OR2A4: variants seen among roughly 807,000 people sequenced by gnomAD.
OR2A4 encodes olfactory receptor 2A4.
For synonymous variants in OR2A4, 71 were observed against 126.7 expected, an observed-to-expected ratio of 0.56 and a Z score of 2.95; for missense variants, 152 against 313.2, an observed-to-expected ratio of 0.49 and a Z score of 3.88.
In OR2A4 at chr6:131,700,855, C is replaced by T. The variant is rs1451536742; in HGVS notation, c.547G>A (p.Val183Ile). 1 of 1,164,978 alleles carries T rather than the reference C, an allele frequency of 8.6e-7. No individual in the cohort carries two copies. Among genetic ancestry groups the T allele is most frequent in the African/African-American group, 3.6e-5 (1 of 27,426 alleles). 72.2% of individuals were successfully genotyped at this position (1,164,978 alleles called of 1,614,324 possible). A position where few individuals can be genotyped will look rare whatever the true frequency, so the allele number is the denominator to read the frequency against. The change falls in exon 1 of 1, where the codon GTT becomes ATT. Residue 183 changes from valine to isoleucine, a missense_variant. By Grantham distance (29) the Val-to-Ile change is conservative. Transcript: ENST00000315453. ...IYHFFCEILAVLKLACADTHI... is the reference protein window; with the variant it reads ...IYHFFCEILAILKLACADTHI... ...GTATCTGCACAGGCAAGTTTGAGAACAGCCAAGATTTCACAAAAAAAGTGA... is the reference window on the plus strand; with the variant it reads ...GTATCTGCACAGGCAAGTTTGAGAATAGCCAAGATTTCACAAAAAAAGTGA...
chr6:131,700,447 A>C lies in OR2A4; in HGVS notation c.*22T>G. The C allele has an allele frequency of 1.2e-6, 1 of 828,802 alleles. No homozygotes were observed. The highest frequency in any genetic ancestry group is 1.7e-6 in the Non-Finnish European group (1 of 579,982). 51.3% of individuals were successfully genotyped at this position (828,802 alleles called of 1,614,324 possible). Reference sequence around the variant, plus strand: ...TGATGTAACTTCCTAGGTCACTGTCAGTCACAATGCCATAATCCTTTTCAT... The same window carrying C: ...TGATGTAACTTCCTAGGTCACTGTCCGTCACAATGCCATAATCCTTTTCAT... On this transcript the variant is annotated 3_prime_UTR_variant, in exon 1 of 1. Coordinates refer to ENST00000315453, the MANE Select transcript of OR2A4 (RefSeq NM_030908.2).
At position 131,701,373 on chromosome 6, in the gene OR2A4, T is replaced by A. The variant is rs1264968144; in HGVS notation, c.29A>T (p.Glu10Val). MGDNITSIR[E>V]FLLLGFPVGP... ...AACGGGAAATCCCAGTAGGAGGAAC[T>A]CTCTGATGGATGTTATATTGTCTCC... The change falls in exon 1 of 1, where the codon GAG becomes GTG. Residue 10 changes from glutamate to valine, a missense_variant. Glu to Val is a moderately radical substitution (Grantham distance 121, BLOSUM62 -2). Transcript: ENST00000315453. The A allele has an allele frequency of 6.2e-7, 1 of 1,613,976 alleles. No individual in the cohort carries two copies. The highest frequency in any genetic ancestry group is 1.7e-5 in the Admixed American group (1 of 60,008).
Position 131,700,612 on chromosome 6 carries a change from C to T in OR2A4, c.790G>A (p.Gly264Arg). The T allele has an allele frequency of 1.3e-6, 2 of 1,553,784 alleles. No homozygotes were observed. Among genetic ancestry groups the T allele is most frequent in the Non-Finnish European group, 1.7e-6 (2 of 1,164,972 alleles). ...TATTTCTTCTGCTCCTTGGGGTTCC[C>T]ATATCTGGGTCCAACATACATGATA... ...AIIMYVGPRY[G>R]NPKEQKKYLL... Residue 264 changes from glycine (G) to arginine (R), a missense_variant, in exon 1 of 1, where the codon GGG (glycine) becomes AGG (arginine). By Grantham distance (125) the Gly-to-Arg change is moderately radical. Transcript: ENST00000315453.
At position 131,700,577 on chromosome 6, in the gene OR2A4, C is replaced by A. The variant is rs772161733; in HGVS notation, c.825G>T (p.Leu275=). 6.9e-7 allele frequency: 1 copy of A among 1,459,014 alleles called. No individual in the cohort carries two copies. Among genetic ancestry groups the A allele is most frequent in the East Asian group, 2.6e-5 (1 of 38,036 alleles). 90.4% of individuals were successfully genotyped at this position (1,459,014 alleles called of 1,614,324 possible). A position where few individuals can be genotyped will look rare whatever the true frequency, so the allele number is the denominator to read the frequency against. Residue 275 remains leucine, a synonymous_variant, in exon 1 of 1, where the codon CTG becomes CTT. Coordinates refer to ENST00000315453, the MANE Select transcript of OR2A4 (RefSeq NM_030908.2). ...GCATGGGATTAAAGAGGCTGTGAAA[C>A]AGCAGGAGATATTTCTTCTGCTCCT... is the stretch of plus-strand genomic sequence containing the variant. ...NPKEQKKYLL[L]FHSLFNPMLN...
chr6:131,700,516 C>A lies in OR2A4; in HGVS notation c.886G>T (p.Val296Leu). The change falls in exon 1 of 1, where the codon GTG becomes TTG. Residue 296 changes from valine (V) to leucine (L), a missense_variant. Physicochemically the swap from Val to Leu is conservative, Grantham distance 32. Coordinates refer to ENST00000315453, the MANE Select transcript of OR2A4 (RefSeq NM_030908.2). The stretch of plus-strand genomic sequence containing the variant: ...AGCACTCTCTTCAAAGTATTCTTCA[C>A]TTCTGAGTTCCTAAGACTACAGATA... ...PLICSLRNSE[V>L]KNTLKRVLGV... 1.5e-6 allele frequency: 2 copies of A among 1,314,140 alleles called. 1 individual carries two copies. Among genetic ancestry groups the A allele is most frequent in the Non-Finnish European group, 2.0e-6 (2 of 988,786 alleles). 81.4% of individuals were successfully genotyped at this position (1,314,140 alleles called of 1,614,324 possible). A position where few individuals can be genotyped will look rare whatever the true frequency, so the allele number is the denominator to read the frequency against.
rs144915639 is a variant in OR2A4 at position 131,701,340 on chromosome 6, C to T, written c.62G>A (p.Arg21Lys). 3 of 1,613,382 alleles carry T rather than the reference C, an allele frequency of 1.9e-6. No individual in the cohort carries two copies. The highest frequency in any genetic ancestry group is 2.2e-5 in the South Asian group (2 of 91,022). The stretch of plus-strand genomic sequence containing the variant: ...GAGCCCAAAGAGGAGCATCTGAATC[C>T]TTGGGCCAACGGGAAATCCCAGTAG... ...FLLLGFPVGP[R>K]IQMLLFGLFS... The change falls in exon 1 of 1, where the codon AGG becomes AAG. Residue 21 changes from arginine (R) to lysine (K), a missense_variant. Physicochemically the swap from Arg to Lys is conservative, Grantham distance 26. Coordinates refer to ENST00000315453, the MANE Select transcript of OR2A4 (RefSeq NM_030908.2).
In OR2A4 at chr6:131,701,331, A is replaced by G. The variant is rs753718885; in HGVS notation, c.71T>C (p.Met24Thr). ...CAGGGAGAAGAGCCCAAAGAGGAGC[A>G]TCTGAATCCTTGGGCCAACGGGAAA... is the stretch of plus-strand genomic sequence containing the variant. ...LGFPVGPRIQ[M>T]LLFGLFSLFY... The change falls in exon 1 of 1, where the codon ATG becomes ACG. Residue 24 changes from methionine to threonine, a missense_variant. By Grantham distance (81) the Met-to-Thr change is moderately conservative. Coordinates refer to ENST00000315453, the MANE Select transcript of OR2A4 (RefSeq NM_030908.2). The G allele has an allele frequency of 9.3e-6, 15 of 1,613,126 alleles. No individual in the cohort carries two copies. Among genetic ancestry groups the G allele is most frequent in the South Asian group, 8.8e-5 (8 of 91,012 alleles).
At position 131,700,512 on chromosome 6, in the gene OR2A4, T is replaced by G. The variant is rs748256547; in HGVS notation, c.890A>C (p.Lys297Thr). 2 of 1,300,614 alleles carry G rather than the reference T, an allele frequency of 1.5e-6. No individual in the cohort carries two copies. Among genetic ancestry groups the G allele is most frequent in the Admixed American group, 4.6e-5 (2 of 43,716 alleles). 80.6% of individuals were successfully genotyped at this position (1,300,614 alleles called of 1,614,324 possible). ...TCCCAGCACTCTCTTCAAAGTATTC[T>G]TCACTTCTGAGTTCCTAAGACTACA... ...LICSLRNSEVKNTLKRVLGVE... is the reference protein window; with the variant it reads ...LICSLRNSEVTNTLKRVLGVE... Residue 297 changes from lysine to threonine, a missense_variant, in exon 1 of 1, where the codon AAG (lysine) becomes ACG (threonine). Physicochemically the swap from Lys to Thr is moderately conservative, Grantham distance 78. Transcript: ENST00000315453.
Position 131,701,082 on chromosome 6 carries a change from G to C in OR2A4, c.320C>G (p.Ala107Gly). The change falls in exon 1 of 1, where the codon GCT becomes GGT. Residue 107 changes from alanine (A) to glycine (G), a missense_variant. Physicochemically the swap from Ala to Gly is moderately conservative, Grantham distance 60. Coordinates refer to ENST00000315453, the MANE Select transcript of OR2A4 (RefSeq NM_030908.2). ...CACCAGGAGGAGACATTCTGTGACA[G>C]CAAAAGTGGAAAACAGAAAGGTCTG... ...MMQTFLFSTF[A>G]VTECLLLVVM... 1.8e-6 allele frequency: 1 copy of C among 563,300 alleles called. No homozygotes were observed. Among genetic ancestry groups the C allele is most frequent in the Non-Finnish European group, 2.9e-6 (1 of 339,730 alleles). The allele number at this position is 563,300 out of a possible 1,614,324, so 34.9% of individuals were successfully genotyped here. A position where few individuals can be genotyped will look rare whatever the true frequency, so the allele number is the denominator to read the frequency against.
In OR2A4 at chr6:131,701,279, G is replaced by C; in HGVS notation, c.123C>G (p.Asn41Lys). The C allele has an allele frequency of 6.6e-7, 1 of 1,511,696 alleles. No homozygotes were observed. Among genetic ancestry groups the C allele is most frequent in the Non-Finnish European group, 9.1e-7 (1 of 1,102,102 alleles). 93.6% of individuals were successfully genotyped at this position (1,511,696 alleles called of 1,614,324 possible). A position where few individuals can be genotyped will look rare whatever the true frequency, so the allele number is the denominator to read the frequency against. Residue 41 changes from asparagine to lysine, a missense_variant, in exon 1 of 1, where the codon AAC (asparagine) becomes AAG (lysine). Physicochemically the swap from Asn to Lys is moderately conservative, Grantham distance 94. Transcript: ENST00000315453. ...SLFYVFTLLG[N>K]GTILGLISLD... Reference sequence around the variant, plus strand: ...GTGAGATGAGCCCCAGTATGGTCCCGTTCCCCAGCAGGGTGAAGACGTAGA... The same window carrying C: ...GTGAGATGAGCCCCAGTATGGTCCCCTTCCCCAGCAGGGTGAAGACGTAGA...
At position 131,701,398 on chromosome 6, in the gene OR2A4, C is replaced by G. The variant is rs771530223; in HGVS notation, c.4G>C (p.Gly2Arg). 42 of 1,613,628 alleles carry G rather than the reference C, an allele frequency of 2.6e-5. No individual in the cohort carries two copies. Among genetic ancestry groups the G allele is most frequent in the Non-Finnish European group, 3.4e-5 (40 of 1,179,806 alleles). The change falls in exon 1 of 1, where the codon GGA becomes CGA. Residue 2 changes from glycine to arginine, a missense_variant. Physicochemically the swap from Gly to Arg is moderately radical, Grantham distance 125 (BLOSUM62 -2). Transcript: ENST00000315453. M[G>R]DNITSIREFL... ...TCTCTGATGGATGTTATATTGTCTC[C>G]CATATCCCTATGACAGAGGAAATCA...
chr6:131,701,377 T>C lies in OR2A4; in HGVS notation c.25A>G (p.Arg9Gly). Residue 9 changes from arginine to glycine, a missense_variant, in exon 1 of 1, where the codon AGA (arginine) becomes GGA (glycine). Arg to Gly is a moderately radical substitution (Grantham distance 125). Transcript: ENST00000315453. Reference sequence around the variant, plus strand: ...GGAAATCCCAGTAGGAGGAACTCTCTGATGGATGTTATATTGTCTCCCATA... The same window carrying C: ...GGAAATCCCAGTAGGAGGAACTCTCCGATGGATGTTATATTGTCTCCCATA... MGDNITSIREFLLLGFPVG... is the reference protein window; with the variant it reads MGDNITSIGEFLLLGFPVG... 6.2e-7 allele frequency: 1 copy of C among 1,614,022 alleles called. No individual in the cohort carries two copies. Among genetic ancestry groups the C allele is most frequent in the Non-Finnish European group, 8.5e-7 (1 of 1,179,942 alleles).
In OR2A4 at chr6:131,701,362, G is replaced by C; in HGVS notation, c.40C>G (p.Leu14Val). The change falls in exon 1 of 1, where the codon CTG becomes GTG. Residue 14 changes from leucine (L) to valine (V), a missense_variant. Physicochemically the swap from Leu to Val is conservative, Grantham distance 32. Transcript: ENST00000315453. ...ATCCTTGGGCCAACGGGAAATCCCA[G>C]TAGGAGGAACTCTCTGATGGATGTT... is the stretch of plus-strand genomic sequence containing the variant. ...NITSIREFLL[L>V]GFPVGPRIQM... 6.2e-7 allele frequency: 1 copy of C among 1,613,900 alleles called. No homozygotes were observed. The highest frequency in any genetic ancestry group is 1.7e-4 in the Middle Eastern group (1 of 6,060).
Position 131,700,649 on chromosome 6 carries a change from A to C in OR2A4, c.753T>G (p.Tyr251Ter). Reference protein sequence around the residue: ...FSHLCVIGLVYGTAIIMYVGP... With the variant: ...FSHLCVIGLV ...CAACATACATGATAATGGCTGTGCC[A>C]TAAACGAGTCCAATCACACAGAGGT... Residue 251 changes from tyrosine to a stop codon, truncating the protein, a stop_gained, in exon 1 of 1, where the codon TAT becomes TAG. Transcript: ENST00000315453. LOFTEE classifies it low-confidence loss of function (END_TRUNC). 6.4e-7 allele frequency: 1 copy of C among 1,558,196 alleles called. No homozygotes were observed. Among genetic ancestry groups the C allele is most frequent in the South Asian group, 1.2e-5 (1 of 85,856 alleles).
At position 131,701,344 on chromosome 6, in the gene OR2A4, G is replaced by C; in HGVS notation, c.58C>G (p.Pro20Ala). The change falls in exon 1 of 1, where the codon CCA becomes GCA. Residue 20 changes from proline to alanine, a missense_variant. Physicochemically the swap from Pro to Ala is conservative, Grantham distance 27 (BLOSUM62 -1). Transcript: ENST00000315453. The stretch of plus-strand genomic sequence containing the variant: ...CCAAAGAGGAGCATCTGAATCCTTG[G>C]GCCAACGGGAAATCCCAGTAGGAGG... ...EFLLLGFPVG[P>A]RIQMLLFGLF... 3 of 1,613,460 alleles carry C rather than the reference G, an allele frequency of 1.9e-6. No homozygotes were observed. Among genetic ancestry groups the C allele is most frequent in the Non-Finnish European group, 2.5e-6 (3 of 1,179,838 alleles).
rs778551723 is a variant in OR2A4, at chr6:131,701,350, C to T, written c.52G>A (p.Val18Ile). The T allele has an allele frequency of 1.5e-5, 24 of 1,613,442 alleles. No individual in the cohort carries two copies. In the East Asian group the frequency reaches 5.1e-4, roughly 34 times the overall value. The change falls in exon 1 of 1, where the codon GTT (valine) becomes ATT (isoleucine). Residue 18 changes from valine (V) to isoleucine (I), a missense_variant. Coordinates refer to ENST00000315453, the MANE Select transcript of OR2A4 (RefSeq NM_030908.2). Reference protein sequence around the residue: ...IREFLLLGFPVGPRIQMLLFG... With the variant: ...IREFLLLGFPIGPRIQMLLFG... ...AGGAGCATCTGAATCCTTGGGCCAA[C>T]GGGAAATCCCAGTAGGAGGAACTCT... is the stretch of plus-strand genomic sequence containing the variant.
chr6:131,700,966 T>A lies in OR2A4; in HGVS notation c.436A>T (p.Thr146Ser). The change falls in exon 1 of 1, where the codon ACT (threonine) becomes TCT (serine). Residue 146 changes from threonine to serine, a missense_variant. Thr to Ser is a moderately conservative substitution (Grantham distance 58). Coordinates refer to ENST00000315453, the MANE Select transcript of OR2A4 (RefSeq NM_030908.2). The stretch of plus-strand genomic sequence containing the variant: ...AAAAGGACTCCAGTGGTCCAGGAAG[T>A]CACCGCGAGGGTGATGCAGACTCTC... ...TWRVCITLAV[T>S]SWTTGVLLSL... 3.3e-6 allele frequency: 2 copies of A among 608,276 alleles called. No homozygotes were observed. The highest frequency in any genetic ancestry group is 5.2e-6 in the Non-Finnish European group (2 of 384,494). The allele number at this position is 608,276 out of a possible 1,614,324, so 37.7% of individuals were successfully genotyped here. A position where few individuals can be genotyped will look rare whatever the true frequency, so the allele number is the denominator to read the frequency against.
chr6:131,700,477 C>T lies in OR2A4; in HGVS notation c.925G>A (p.Ala309Thr). Residue 309 changes from alanine to threonine, a missense_variant, in exon 1 of 1, where the codon GCT becomes ACT. Coordinates refer to ENST00000315453, the MANE Select transcript of OR2A4 (RefSeq NM_030908.2). Reference sequence around the variant, plus strand: ...CAATGCCATAATCCTTTTCATAAAGCCCTTTCTACTCCCAGCACTCTCTTC... The same window carrying T: ...CAATGCCATAATCCTTTTCATAAAGTCCTTTCTACTCCCAGCACTCTCTTC... Reference protein sequence around the residue: ...TLKRVLGVERAL With the variant: ...TLKRVLGVERTL The T allele has an allele frequency of 1.8e-6, 2 of 1,085,110 alleles. 1 individual carries two copies. Among genetic ancestry groups the T allele is most frequent in the Non-Finnish European group, 2.5e-6 (2 of 795,714 alleles). 67.2% of individuals were successfully genotyped at this position (1,085,110 alleles called of 1,614,324 possible).
Position 131,700,755 on chromosome 6 carries a change from G to T in OR2A4, c.647C>A (p.Ser216Ter). Residue 216 changes from serine (S) to a stop codon, truncating the protein, a stop_gained, in exon 1 of 1, where the codon TCA (serine) becomes TAA (stop). Transcript: ENST00000315453. LOFTEE classifies it low-confidence loss of function (END_TRUNC). ...LVGPLSTIVV[S>*]YMCILCAILQ... ...GATAGCACAGAGGATGCACATATAT[G>T]AAACTACAATTGTGGACAAGGGTCC... The T allele has an allele frequency of 6.6e-7, 1 of 1,517,182 alleles. No individual in the cohort carries two copies. Among genetic ancestry groups the T allele is most frequent in the Non-Finnish European group, 8.8e-7 (1 of 1,137,584 alleles). The allele number at this position is 1,517,182 out of a possible 1,614,324, so 94.0% of individuals were successfully genotyped here. A position where few individuals can be genotyped will look rare whatever the true frequency, so the allele number is the denominator to read the frequency against.
Sources: allele counts gnomAD v4.1 joint callset, GRCh38; gene constraint gnomAD v4.1.1; transcripts MANE v1.5; gene names NCBI Gene and HGNC (gene_info 2026-07-23, HGNC 2026-07-21).